The following NCAM2 variants were observed in gnomAD, a reference collection of about 807,000 sequenced individuals.
The protein encoded by NCAM2 is N-CAM-2.
A neutral mutation model predicts 98.1 loss-of-function variants in NCAM2; 30 were observed. That is an observed-to-expected ratio of 0.31 (90% CI 0.23 to 0.41). The LOEUF (loss-of-function observed/expected upper bound fraction) is 0.41. Among genes scored for constraint, NCAM2 ranks in the 10% least tolerant of loss-of-function variants. The pLI is 1.00. For missense variants in NCAM2, 867 were observed against 1,005.8 expected, an observed-to-expected ratio of 0.86 and a Z score of 1.87; for synonymous variants, 368 against 342.4, an observed-to-expected ratio of 1.07 and a Z score of -0.83.
At chr21:21,207,169 C>T (rs914493899) in intron 1 of NCAM2, among the ~76,000 whole-genome samples, 1 of 152,102 alleles carries the variant, frequency 6.6e-6, no homozygotes, top group African/African-American at 2.4e-5. Context: ...TGCATGCATA[C>T]AGCATTTAAC....
intron 1 of NCAM2, among the ~76,000 whole-genome samples, chr21:21,024,789 A>T (rs546305867): frequency 6.6e-6 from 1 of 151,956 alleles, no homozygotes; most frequent in Admixed American, 6.6e-5. Flanking sequence ...TGGGAAGCTG[A>T]GGCAGGAGAG....
chr21:21,407,100 G>A (rs2076754726), intron 9 of NCAM2, among the ~76,000 whole-genome samples: 1 of 152,136 alleles, frequency 6.6e-6, no homozygotes, highest in Non-Finnish European at 1.5e-5. Context: ...ACACCAACAT[G>A]ACATATGGCT....
At chr21:21,382,106 T>G (rs2076165864) in intron 9 of NCAM2, among the ~76,000 whole-genome samples, 1 of 152,192 alleles carries the variant, frequency 6.6e-6, no homozygotes, top group African/African-American at 2.4e-5. Flanking sequence ...TTTATCTAAC[T>G]GCTTTAAAGC....
chr21:21,332,804 G>T (rs906818050), intron 6 of NCAM2, among the ~76,000 whole-genome samples: 4 of 152,158 alleles, frequency 2.6e-5, no homozygotes, highest in African/African-American at 9.7e-5. Context: ...GGCAGTCAGC[G>T]ATGGAGGTAC....
intron 1 of NCAM2, among the ~76,000 whole-genome samples, chr21:21,148,009 G>C (rs1280372891): frequency 6.6e-6 from 1 of 151,978 alleles, no homozygotes; most frequent in African/African-American, 2.4e-5. Flanking sequence ...GGATAAGATG[G>C]ATGTTCCAGC....
chr21:21,168,679 A>G (rs1323284340), intron 1 of NCAM2, among the ~76,000 whole-genome samples: 1 of 131,714 alleles, frequency 7.6e-6, no homozygotes, highest in Non-Finnish European at 1.8e-5. Flanking sequence ...ATTTGAAACT[A>G]AAACACATTA....
At position 21,410,330 on chromosome 21, in the gene NCAM2, A is replaced by G. The variant is rs1602253361; in HGVS notation, c.1252A>G (p.Ile418Val). The G allele has an allele frequency of 1.9e-6, 3 of 1,599,646 alleles. No individual in the cohort carries two copies. The highest frequency in any genetic ancestry group is 2.3e-5 in the East Asian group (1 of 44,170). ...TIYYSWEGNP[I>V]NISCDVKSNP... ...TTATTACTCTTGGGAAGGAAATCCT[A>G]TCAATATAAGTTGTGATGTGAAATC... Residue 418 changes from isoleucine (I) to valine (V), a missense_variant, in exon 10 of 18, where the codon ATC becomes GTC. Physicochemically the swap from Ile to Val is conservative, Grantham distance 29. Around this residue, in one of 5 missense-constraint regions of NCAM2, gnomAD observed 5 missense variants for 20.5 expected, o/e 0.24. Coordinates refer to ENST00000400546, the MANE Select transcript of NCAM2 (RefSeq NM_004540.5).
intron 8 of NCAM2, among the ~76,000 whole-genome samples, chr21:21,360,632 A>T (rs546051852): frequency 1.3e-5 from 2 of 151,808 alleles, no homozygotes; most frequent in African/African-American, 4.8e-5. Flanking sequence ...TCACCAACTT[A>T]TATTTTACTG....
chr21:21,128,071 G>A (rs2066864370), intron 1 of NCAM2, among the ~76,000 whole-genome samples: 1 of 151,896 alleles, frequency 6.6e-6, no homozygotes, highest in Non-Finnish European at 1.5e-5. Context: ...AGCAAGAACT[G>A]TATGTAGGAA....
rs1378792838 is a variant in NCAM2 at position 21,176,404 on chromosome 21, G to A, written c.56-104174G>A. Among the ~76,000 whole-genome samples, 7 of 152,040 alleles carry A rather than the reference G, an allele frequency of 4.6e-5. No homozygotes were observed. In the East Asian group the frequency reaches 1.3e-3, roughly 29 times the overall value. The stretch of plus-strand genomic sequence containing the variant: ...GTTGAAATATCCTCCTAATGGTGAT[G>A]GATAATCATAACTGCATTTCCTTAT... On this transcript the variant is annotated intron_variant, in intron 1 of 17. Transcript: ENST00000400546.
chr21:21,125,525 TA>T (rs1569049617), intron 1 of NCAM2, among the ~76,000 whole-genome samples: 1 of 116,898 alleles, frequency 8.6e-6, no homozygotes, highest in African/African-American at 3.0e-5. Context: ...ATATAATATG[TA>T]ATATATAAAA....
intron 5 of NCAM2, among the ~76,000 whole-genome samples, chr21:21,299,726 G>C (rs12106406): frequency 0.32 from 48,003 of 151,314 alleles, 8,336 homozygotes; most frequent in African/African-American, 0.46. Context: ...CTTCCCATGA[G>C]ATCTCATAGT....
chr21:21,371,806 A>G (rs891553497), intron 8 of NCAM2, among the ~76,000 whole-genome samples: 3 of 151,830 alleles, frequency 2.0e-5, no homozygotes, highest in Non-Finnish European at 2.9e-5. Flanking sequence ...AGAAACTATT[A>G]CAGTTTGCTC....
intron 1 of NCAM2, among the ~76,000 whole-genome samples, chr21:21,086,656 C>T (rs996170586): frequency 7.9e-5 from 12 of 152,110 alleles, no homozygotes; most frequent in East Asian, 1.9e-4. Flanking sequence ...TCACCACAAA[C>T]GGTAATTAGA....
intron 1 of NCAM2, among the ~76,000 whole-genome samples, chr21:21,012,326 C>T (rs1391521250): frequency 1.3e-5 from 2 of 152,050 alleles, no homozygotes; most frequent in Non-Finnish European, 2.9e-5. Flanking sequence ...TGAGCTGTAT[C>T]TTTAAATGGC....
At chr21:21,178,607 C>T (rs1010734738) in intron 1 of NCAM2, among the ~76,000 whole-genome samples, 22 of 151,918 alleles carry the variant, frequency 1.4e-4, no homozygotes, top group African/African-American at 5.3e-4. Context: ...ATGAATTAGA[C>T]ATGCTTACTA....
At chr21:21,214,371 C>T (rs1297238618) in intron 1 of NCAM2, among the ~76,000 whole-genome samples, 1 of 152,024 alleles carries the variant, frequency 6.6e-6, no homozygotes, top group East Asian at 1.9e-4. Flanking sequence ...TTTGGAGAAG[C>T]ACTTATTAAA....
At chr21:21,376,439 C>T (rs1406591023) in intron 9 of NCAM2, among the ~76,000 whole-genome samples, 3 of 151,760 alleles carry the variant, frequency 2.0e-5, no homozygotes, top group Non-Finnish European at 4.4e-5. Flanking sequence ...AGTCTACCAT[C>T]AACAGGAGTT....
Position 21,133,077 on chromosome 21 carries a change from T to C in NCAM2, c.55+134459T>C, listed in dbSNP as rs916154673. Reference sequence around the variant, plus strand: ...CAAATTATATTTTAAGATCCATCTATCTTTTTGTATGTGACTTTGGATTAT... The same window carrying C: ...CAAATTATATTTTAAGATCCATCTACCTTTTTGTATGTGACTTTGGATTAT... On this transcript the variant is annotated intron_variant, in intron 1 of 17. Transcript: ENST00000400546. Among the ~76,000 whole-genome samples, 4 of 152,264 alleles carry C rather than the reference T, an allele frequency of 2.6e-5. 1 individual carries two copies. The highest frequency in any genetic ancestry group is 2.6e-4 in the Admixed American group (4 of 15,286).
Sources: allele counts gnomAD v4.1 joint callset (sites outside exome capture counted in the v4.1 genomes callset), GRCh38; gene constraint gnomAD v4.1.1; regional missense constraint gnomAD v4.1.1; transcripts MANE v1.5; gene names NCBI Gene and HGNC (gene_info 2026-07-23, HGNC 2026-07-21).